Variants in CC2D2B observed in about 807,000 individuals in gnomAD.
CC2D2B encodes the protein coiled-coil and C2 domain containing 2B, also known as protein CC2D2B.
In CC2D2B, 128 loss-of-function variants were observed where a neutral mutation model predicts 161.2. The observed-to-expected ratio is 0.79, with a 90% CI of 0.69 to 0.92. The LOEUF (loss-of-function observed/expected upper bound fraction) is 0.92, where lower values mean the gene tolerates loss of function less well. CC2D2B is among the 40% of genes least tolerant of loss of function. The pLI is 0.00. For missense variants in CC2D2B, 1,173 were observed against 1,375.1 expected (o/e 0.85, Z 2.32); for synonymous variants, 391 against 449.8 (o/e 0.87, Z 1.65).
At chr10:95,968,676 G>A (rs1012817162) in intron 14 of CC2D2B, 48 bp from the exon 15 acceptor site, 8 of 718,406 alleles carry the variant, frequency 1.1e-5, no homozygotes, top group Non-Finnish European at 1.3e-5. Context: ...AATATGTTAT[G>A]TCTGTTGTAC....
Position 96,016,286 on chromosome 10 carries a change from T to C in CC2D2B, c.3602T>C (p.Leu1201Pro), listed in dbSNP as rs747173131. Reference protein sequence around the residue: ...NFFLYFGKKALVLLGTSVLEG... With the variant: ...NFFLYFGKKAPVLLGTSVLEG... ...TTTCTGTATTTTGGAAAGAAGGCAC[T>C]GGTCCTCTTGGGAACGTCAGTGTTA... The change falls in exon 30 of 35, where the codon CTG becomes CCG. Residue 1201 changes from leucine (L) to proline (P), a missense_variant. Coordinates refer to ENST00000646931, the MANE Select transcript of CC2D2B (RefSeq NM_001349008.3). The C allele has an allele frequency of 2.9e-5, 46 of 1,611,072 alleles. No homozygotes were observed. In the East Asian group the frequency reaches 9.6e-4, roughly 34 times the overall value.
intron 2 of CC2D2B, among the ~76,000 whole-genome samples, chr10:95,917,320 C>T (rs2098518216): frequency 1.3e-5 from 2 of 152,142 alleles, no homozygotes; most frequent in Non-Finnish European, 2.9e-5. Context: ...TTTATCCGTT[C>T]AGCCACTCTA....
chr10:95,949,668 ATT>A (rs1564611440), intron 9 of CC2D2B, among the ~76,000 whole-genome samples: 69 of 99,488 alleles, frequency 6.9e-4, no homozygotes, highest in African/African-American at 2.5e-3. Context: ...AAAAAAAAAA[ATT>A]AAAAAAAAAA....
intron 31 of CC2D2B, 148 bp downstream of exon 31, chr10:96,019,485 C>A: frequency 1.2e-6 from 1 of 855,176 alleles, no homozygotes; most frequent in Non-Finnish European, 1.8e-6. Context: ...CACTAAAGCT[C>A]CTCCAGGTGA....
intron 11 of CC2D2B, among the ~76,000 whole-genome samples, chr10:95,961,420 G>T (rs905029762): frequency 6.6e-5 from 10 of 152,128 alleles, no homozygotes; most frequent in Non-Finnish European, 1.5e-4. Flanking sequence ...CCAGCTACTT[G>T]GGAGACTGAG....
intron 10 of CC2D2B, among the ~76,000 whole-genome samples, chr10:95,954,024 C>T (rs1466964850): frequency 6.6e-6 from 1 of 152,178 alleles, no homozygotes; most frequent in African/African-American, 2.4e-5. Flanking sequence ...AATAGCTGCA[C>T]TAATCAGTTT....
chr10:95,965,437 G>A (rs565420380), intron 12 of CC2D2B, among the ~76,000 whole-genome samples: 2 of 152,002 alleles, frequency 1.3e-5, no homozygotes, highest in African/African-American at 4.8e-5. Flanking sequence ...GCCATGAATT[G>A]TTTACTGTTT....
chr10:95,944,811 A>C (rs957474130), intron 9 of CC2D2B, among the ~76,000 whole-genome samples: 1 of 152,206 alleles, frequency 6.6e-6, no homozygotes, highest in Non-Finnish European at 1.5e-5. Flanking sequence ...GGACTGCTAT[A>C]ATTTGGAAAA....
chr10:95,944,791 A>G (rs1197079258), intron 9 of CC2D2B, among the ~76,000 whole-genome samples: 3 of 152,248 alleles, frequency 2.0e-5, no homozygotes, highest in African/African-American at 4.8e-5. Context: ...GCACAATTAC[A>G]GGATTTCATG....
intron 9 of CC2D2B, among the ~76,000 whole-genome samples, chr10:95,946,348 G>A (rs918054886): frequency 6.6e-6 from 1 of 152,114 alleles, no homozygotes; most frequent in African/African-American, 2.4e-5. Context: ...TGCTGAAGAG[G>A]ACAGGACCAA....
chr10:95,945,441 A>G (rs761017787), intron 9 of CC2D2B, among the ~76,000 whole-genome samples: 2 of 152,162 alleles, frequency 1.3e-5, no homozygotes, highest in Non-Finnish European at 2.9e-5. Context: ...TCTGCCAGGT[A>G]CTTTAACAGC....
At chr10:95,958,194 TGC>T (rs369722141) in intron 11 of CC2D2B, among the ~76,000 whole-genome samples, 1 of 152,060 alleles carries the variant, frequency 6.6e-6, no homozygotes, top group Non-Finnish European at 1.5e-5. Flanking sequence ...CGTTAAACCA[TGC>T]ATAAACAAAA....
chr10:96,002,891 C>T (rs889027231), intron 24 of CC2D2B, among the ~76,000 whole-genome samples: 31 of 151,660 alleles, frequency 2.0e-4, no homozygotes, highest in South Asian at 8.3e-4. Flanking sequence ...TTGTTAGAAC[C>T]GGGTCCAGCC....
intron 26 of CC2D2B, 108 bp from the exon 27 acceptor site, chr10:96,012,077 C>CGCAA: frequency 1.9e-6 from 1 of 539,334 alleles, no homozygotes; most frequent in East Asian, 3.1e-5. Context: ...AGCCCGTTCA[C>CGCAA]GCAAGCAAGC....
intron 6 of CC2D2B, among the ~76,000 whole-genome samples, chr10:95,934,638 G>C (rs1203166909): frequency 6.6e-6 from 1 of 152,090 alleles, no homozygotes; most frequent in African/African-American, 2.4e-5. Context: ...TTGGCTAGGG[G>C]AGGGAGTTCC....
Position 96,032,821 on chromosome 10 carries a change from G to A in CC2D2B, c.*813G>A, listed in dbSNP as rs764806005. The A allele has an allele frequency of 2.1e-6, 1 of 469,756 alleles. No individual in the cohort carries two copies. Among genetic ancestry groups the A allele is most frequent in the African/African-American group, 2.0e-5 (1 of 50,122 alleles). 29.1% of individuals were successfully genotyped at this position (469,756 alleles called of 1,614,324 possible). A position where few individuals can be genotyped will look rare whatever the true frequency, so the allele number is the denominator to read the frequency against. ...ATTCTGTGAGGGAGGAAATGGTCTT[G>A]ACAAATCTCAGGACTCTTTTTTTCC... is the stretch of plus-strand genomic sequence containing the variant. On this transcript the variant is annotated 3_prime_UTR_variant, in exon 35 of 35. Transcript: ENST00000646931.
At chr10:96,010,593 T>TG (rs1305530758) in intron 26 of CC2D2B, among the ~76,000 whole-genome samples, 1 of 152,142 alleles carries the variant, frequency 6.6e-6, no homozygotes. Context: ...GATAGGTACA[T>TG]GGGAACATAC....
rs2077809864 is a variant in CC2D2B, at chr10:95,988,276, G to A, written c.2313G>A (p.Glu771=). The change falls in exon 20 of 35, where the codon GAG becomes GAA. Residue 771 remains glutamate, a synonymous_variant. Transcript: ENST00000646931. ...FQEYESQKEK[E]VSVSDVNSIT... is the part of the protein sequence containing the mutation. ...AGTATGAAAGTCAGAAAGAGAAGGA[G>A]GTATCCGTTTCAGATGTAAATTCTA... 1 of 1,225,766 alleles carries A rather than the reference G, an allele frequency of 8.2e-7. No homozygotes were observed. Among genetic ancestry groups the A allele is most frequent in the Non-Finnish European group, 1.0e-6 (1 of 980,552 alleles). The allele number at this position is 1,225,766 out of a possible 1,614,324, so 75.9% of individuals were successfully genotyped here. A position where few individuals can be genotyped will look rare whatever the true frequency, so the allele number is the denominator to read the frequency against.
intron 11 of CC2D2B, among the ~76,000 whole-genome samples, chr10:95,959,941 A>AATACATT (rs745332187): frequency 2.0e-5 from 3 of 152,194 alleles, no homozygotes; most frequent in Non-Finnish European, 4.4e-5. Context: ...AAGTGTAATA[A>AATACATT]ATACATTATA....
Sources: allele counts gnomAD v4.1 joint callset (sites outside exome capture counted in the v4.1 genomes callset), GRCh38; gene constraint gnomAD v4.1.1; transcripts MANE v1.5; gene names NCBI Gene and HGNC (gene_info 2026-07-23, HGNC 2026-07-21).